KAT6B: variants seen among roughly 807,000 people sequenced by gnomAD.
KAT6B encodes histone acetyltransferase KAT6B.
Under a neutral mutation model 187.5 loss-of-function variants are expected in KAT6B, and 10 were observed. That is an observed-to-expected ratio of 0.05 (90% CI 0.03 to 0.09). The LOEUF is 0.09. Ranked by LOEUF, KAT6B falls within the 10% of genes least tolerant of loss-of-function variation. The probability of loss-of-function intolerance (pLI) is 1.00; values close to 1 mark genes in which losing one functional copy is unlikely to be tolerated. For synonymous variants in KAT6B, 861 were observed against 926.8 expected (o/e 0.93, Z 1.29); for missense variants, 1,952 against 2,558.9 (o/e 0.76, Z 5.12).
chr10:74,848,247 A>T (rs553261021), intron 3 of KAT6B, among the ~76,000 whole-genome samples: 1 of 152,210 alleles, frequency 6.6e-6, no homozygotes, highest in Non-Finnish European at 1.5e-5. Flanking sequence ...GCTAGGGTCT[A>T]TAGCAAGCTT....
intron 3 of KAT6B, among the ~76,000 whole-genome samples, chr10:74,954,027 T>TG (rs1344587814): frequency 6.6e-6 from 1 of 152,192 alleles, no homozygotes; most frequent in African/African-American, 2.4e-5. Context: ...AAATTAGAAC[T>TG]GGGAAAGTCC....
At chr10:74,897,861 T>C (rs939091299) in intron 3 of KAT6B, among the ~76,000 whole-genome samples, 1 of 152,176 alleles carries the variant, frequency 6.6e-6, no homozygotes, top group Admixed American at 6.5e-5. Flanking sequence ...AAAATTGAAA[T>C]TTTGGGGGCT....
upstream of KAT6B, chr10:74,825,752 G>C (rs1266709876): frequency 6.6e-6 from 1 of 152,446 alleles, no homozygotes; most frequent in East Asian, 1.9e-4. The surrounding 1 kb of genome is among the most constrained non-coding windows in gnomAD (Gnocchi z 5.0). Context: ...TGTGGAGCCG[G>C]GGGGTGCACG....
Position 74,930,893 on chromosome 10 carries a change from A to G in KAT6B, c.622-29077A>G, listed in dbSNP as rs1468176280. ...CCTTTTACAGTTTTTTTCACTGTTA[A>G]TCAAATCCATCTAAAAGCATTCAGC... On this transcript the variant is annotated intron_variant, in intron 3 of 17. Coordinates refer to ENST00000287239, the MANE Select transcript of KAT6B (RefSeq NM_012330.4). 3.3e-5 allele frequency among the ~76,000 whole-genome samples: 5 copies of G among 152,298 alleles called. No individual in the cohort carries two copies. The East Asian group carries it at 5.8e-4, about 18-fold the overall frequency.
At chr10:74,993,397 CTT>C (rs1215070542) in intron 13 of KAT6B, among the ~76,000 whole-genome samples, 1 of 152,182 alleles carries the variant, frequency 6.6e-6, no homozygotes, top group South Asian at 2.1e-4. Context: ...CAATCTCTCC[CTT>C]TGTTTCTCTT....
intron 13 of KAT6B, among the ~76,000 whole-genome samples, chr10:75,010,713 TC>T (rs1280335096): frequency 1.3e-5 from 2 of 152,008 alleles, no homozygotes; most frequent in African/African-American, 4.8e-5. Context: ...ATAGCACCCC[TC>T]TCCCACCCTC....
chr10:74,828,034 A>T (rs114993310), intron 1 of KAT6B, among the ~76,000 whole-genome samples: 142 of 152,228 alleles, frequency 9.3e-4, no homozygotes, highest in Middle Eastern at 3.4e-3. Flanking sequence ...CCAGGAAGAG[A>T]CATGCACCAT....
At chr10:75,008,726 A>G (rs1691614179) in intron 13 of KAT6B, among the ~76,000 whole-genome samples, 1 of 152,216 alleles carries the variant, frequency 6.6e-6, no homozygotes, top group African/African-American at 2.4e-5. Context: ...GATGCCCGTG[A>G]ATTTGTTTTA....
At chr10:74,989,252 G>A in intron 13 of KAT6B, 140 bp downstream of exon 13, 1 of 692,646 alleles carries the variant, frequency 1.4e-6, no homozygotes, top group South Asian at 1.6e-5. Context: ...ATTTACATAG[G>A]TTAGAACATC....
intron 12 of KAT6B, among the ~76,000 whole-genome samples, chr10:74,988,777 T>C (rs1054721167): frequency 6.6e-6 from 1 of 152,244 alleles, no homozygotes; most frequent in African/African-American, 2.4e-5. Context: ...CTTGGATTCT[T>C]TATGCATATT....
chr10:74,878,874 G>A (rs1844634869), intron 3 of KAT6B, among the ~76,000 whole-genome samples: 5 of 152,166 alleles, frequency 3.3e-5, no homozygotes. Context: ...AGCCTTCCTT[G>A]TGCTCACTTG....
chr10:74,836,146 A>G (rs56283211), intron 1 of KAT6B, among the ~76,000 whole-genome samples: 17,352 of 152,192 alleles, frequency 0.11, 2,318 homozygotes, highest in African/African-American at 0.32. Flanking sequence ...GCATGTATCG[A>G]AACTTCATTG....
intron 1 of KAT6B, among the ~76,000 whole-genome samples, chr10:74,836,753 C>T (rs1226782682): frequency 6.6e-6 from 1 of 152,196 alleles, no homozygotes; most frequent in Admixed American, 6.5e-5. Context: ...AAGGTCCCTT[C>T]CCCTAAACAG....
rs779961521 is a variant in KAT6B, at chr10:74,975,746, A to G, written c.1409A>G (p.Gln470Arg). ...TATCGTCCAAGGAAAAAGGTCTCTCAGAAACAGTCATGCACTTCTCATGTG... is the reference window on the plus strand; with the variant it reads ...TATCGTCCAAGGAAAAAGGTCTCTCGGAAACAGTCATGCACTTCTCATGTG... ...KHYRPRKKVS[Q>R]KQSCTSHVLA... is the part of the protein sequence containing the mutation. Residue 470 changes from glutamine (Q) to arginine (R), a missense_variant, in exon 8 of 18, where the codon CAG becomes CGG. Physicochemically the swap from Gln to Arg is conservative, Grantham distance 43 (BLOSUM62 1). Coordinates refer to ENST00000287239, the MANE Select transcript of KAT6B (RefSeq NM_012330.4). 1 of 1,614,252 alleles carries G rather than the reference A, an allele frequency of 6.2e-7. No homozygotes were observed. The highest frequency in any genetic ancestry group is 1.7e-5 in the Admixed American group (1 of 60,024).
At chr10:74,852,658 T>C (rs999842770) in intron 3 of KAT6B, among the ~76,000 whole-genome samples, 5 of 152,234 alleles carry the variant, frequency 3.3e-5, no homozygotes, top group African/African-American at 1.2e-4. Flanking sequence ...TTTTGAGCTT[T>C]TATCAAGATG....
Position 74,929,524 on chromosome 10 carries a change from C to G in KAT6B, c.622-30446C>G, listed in dbSNP as rs572949757. Among the ~76,000 whole-genome samples the G allele has an allele frequency of 1.0e-3, 158 of 152,218 alleles. 1 individual carries two copies. The highest frequency in any genetic ancestry group is 3.6e-3 in the African/African-American group (149 of 41,518). On this transcript the variant is annotated intron_variant, in intron 3 of 17. Coordinates refer to ENST00000287239, the MANE Select transcript of KAT6B (RefSeq NM_012330.4). ...TACAGGACATAGTCCAAGACACAAT[C>G]CTTATTTAGTGGTTCTGTAGTCTAA...
At chr10:74,872,612 A>C (rs1481225606) in intron 3 of KAT6B, among the ~76,000 whole-genome samples, 1 of 152,022 alleles carries the variant, frequency 6.6e-6, no homozygotes, top group East Asian at 1.9e-4. Flanking sequence ...TCCTAAGCTC[A>C]AGCGATCCTC....
chr10:74,875,626 C>T (rs11001189), intron 3 of KAT6B, among the ~76,000 whole-genome samples: 5,263 of 151,986 alleles, frequency 0.035, 187 homozygotes, highest in East Asian at 0.12. Flanking sequence ...CCACCACACC[C>T]GGCTAATTTT....
rs953069341 is a variant in KAT6B at position 74,826,756 on chromosome 10, G to C, written c.-358G>C. On this transcript the variant is annotated 5_prime_UTR_variant, in exon 1 of 18. Coordinates refer to ENST00000287239, the MANE Select transcript of KAT6B (RefSeq NM_012330.4). ...TTCTCAGGCAGCGGCAGCGCCCCCGGCAGGCGCGGTGGCGGTGGCGCGCAG... is the reference window on the plus strand; with the variant it reads ...TTCTCAGGCAGCGGCAGCGCCCCCGCCAGGCGCGGTGGCGGTGGCGCGCAG... The C allele has an allele frequency of 2.0e-5, 3 of 152,732 alleles. No individual in the cohort carries two copies. Among genetic ancestry groups the C allele is most frequent in the African/African-American group, 7.3e-5 (3 of 41,310 alleles). 9.5% of individuals were successfully genotyped at this position (152,732 alleles called of 1,614,324 possible). A position where few individuals can be genotyped will look rare whatever the true frequency, so the allele number is the denominator to read the frequency against.
Sources: gnomAD v4.1 joint callset for allele counts (sites outside exome capture counted in the v4.1 genomes callset) on GRCh38, gnomAD v4.1.1 for gene constraint, Gnocchi (gnomAD v3.1) non-coding constraint, MANE v1.5 for transcripts, NCBI Gene and HGNC (gene_info 2026-07-23, HGNC 2026-07-21) for gene names.